The following FSHR variants were observed in gnomAD, a reference collection of about 807,000 sequenced individuals.
The protein encoded by FSHR is follicle stimulating hormone receptor.
In FSHR, 46 loss-of-function variants were observed where a neutral mutation model predicts 52.1. The ratio of observed to expected loss-of-function variants is 0.88; its 90% CI spans 0.70 to 1.13. The LOEUF is 1.13. FSHR is among the 50% of genes most tolerant of loss of function. The pLI, the probability that FSHR is intolerant of heterozygous loss-of-function variation, is 0.00. For missense variants in FSHR, 964 were observed against 834.6 expected (o/e 1.16, Z -1.91); for synonymous variants, 399 against 309.6 (o/e 1.29, Z -3.03).
intron 1 of FSHR, among the ~76,000 whole-genome samples, chr2:49,111,465 C>T (rs376611210): frequency 3.3e-5 from 5 of 152,102 alleles, no homozygotes; most frequent in African/African-American, 1.2e-4. Flanking sequence ...CTCCAGCGGG[C>T]CGAGGAAAGT....
intron 1 of FSHR, among the ~76,000 whole-genome samples, chr2:49,127,798 TC>T (rs1165033107): frequency 1.7e-5 from 1 of 57,704 alleles, no homozygotes; most frequent in African/African-American, 7.3e-5. Flanking sequence ...TTCTTCTTCT[TC>T]TTCTTCTTCT....
Position 48,963,540 on chromosome 2 carries a change from G to A in FSHR, c.1281C>T (p.Ser427=). 1.2e-6 allele frequency: 2 copies of A among 1,614,202 alleles called. No homozygotes were observed. The highest frequency in any genetic ancestry group is 1.7e-6 in the Non-Finnish European group (2 of 1,180,030). ...LIASVDIHTK[S]QYHNYAIDWQ... ...AGTCAATGGCATAGTTGTGATATTG[G>A]CTCTTGGTATGGATATCAACTGATG... The change falls in exon 10 of 10, where the codon AGC becomes AGT. Residue 427 remains serine, a synonymous_variant. Coordinates refer to ENST00000406846, the MANE Select transcript of FSHR (RefSeq NM_000145.4).
chr2:48,993,053 T>C (rs532400472), intron 4 of FSHR, among the ~76,000 whole-genome samples: 1 of 152,308 alleles, frequency 6.6e-6, no homozygotes, highest in South Asian at 2.1e-4. Context: ...TTCTGCTCCT[T>C]CTCCTGTTAC....
chr2:49,099,055 G>T (rs1270264135), intron 1 of FSHR, among the ~76,000 whole-genome samples: 1 of 151,762 alleles, frequency 6.6e-6, no homozygotes, highest in Admixed American at 6.6e-5. Context: ...AGTATCATAT[G>T]TAAGGTACCT....
intron 2 of FSHR, among the ~76,000 whole-genome samples, chr2:49,063,458 C>A (rs937535004): frequency 1.3e-5 from 2 of 151,884 alleles, no homozygotes; most frequent in African/African-American, 2.4e-5. Context: ...ATGTATGTGA[C>A]ACACACTCAC....
At chr2:48,985,141 A>C (rs1014594178) in intron 6 of FSHR, among the ~76,000 whole-genome samples, 6 of 152,052 alleles carry the variant, frequency 3.9e-5, no homozygotes, top group African/African-American at 9.7e-5. Flanking sequence ...CGATGACTAC[A>C]ACAACCTGGG....
chr2:49,120,570 C>G (rs945966390), intron 1 of FSHR, among the ~76,000 whole-genome samples: 4 of 152,160 alleles, frequency 2.6e-5, no homozygotes, highest in Non-Finnish European at 1.5e-5. Flanking sequence ...GTGTAAGTTG[C>G]ACTCCATAGC....
At chr2:48,997,914 G>A (rs1676093853) in intron 4 of FSHR, among the ~76,000 whole-genome samples, 1 of 152,024 alleles carries the variant, frequency 6.6e-6, no homozygotes, top group South Asian at 2.1e-4. Context: ...AGTCACAGTG[G>A]ACTTTCCCAG....
intron 2 of FSHR, among the ~76,000 whole-genome samples, chr2:49,062,866 AC>A (rs1301612521): frequency 1.3e-5 from 2 of 152,088 alleles, no homozygotes; most frequent in Non-Finnish European, 2.9e-5. Flanking sequence ...GTCTCATCTT[AC>A]CCCAGTGAAA....
intron 4 of FSHR, among the ~76,000 whole-genome samples, chr2:48,999,000 C>T (rs1057199798): frequency 1.8e-4 from 28 of 151,880 alleles, no homozygotes; most frequent in African/African-American, 5.8e-4. Flanking sequence ...TAAACTTATT[C>T]GGAAACATAT....
At chr2:49,042,242 C>A (rs1038144769) in intron 2 of FSHR, among the ~76,000 whole-genome samples, 1 of 152,110 alleles carries the variant, frequency 6.6e-6, no homozygotes. Flanking sequence ...CAATTTTTTT[C>A]CCCCGAGTGA....
intron 6 of FSHR, 96 bp from the exon 7 acceptor site, chr2:48,983,262 G>C: frequency 1.8e-6 from 2 of 1,126,264 alleles, no homozygotes; most frequent in Non-Finnish European, 2.7e-6. Context: ...AGACAGCACA[G>C]GTTAGTGGCA....
chr2:49,087,961 T>C (rs1298088089), intron 1 of FSHR, among the ~76,000 whole-genome samples: 1 of 152,244 alleles, frequency 6.6e-6, no homozygotes, highest in Non-Finnish European at 1.5e-5. Context: ...CATTTAGCAC[T>C]AGCTGTATCA....
At chr2:49,153,449 CAG>C (rs1673132736) in intron 1 of FSHR, among the ~76,000 whole-genome samples, 1 of 148,862 alleles carries the variant, frequency 6.7e-6, no homozygotes, top group African/African-American at 2.5e-5. Flanking sequence ...CAAAACAAAA[CAG>C]TAGACTGTGA....
At chr2:49,095,591 C>T (rs1408920045) in intron 1 of FSHR, among the ~76,000 whole-genome samples, 1 of 151,854 alleles carries the variant, frequency 6.6e-6, no homozygotes, top group Admixed American at 6.6e-5. Flanking sequence ...ATATGATGCC[C>T]AAAGCATAAA....
chr2:49,078,022 G>A (rs750031697), intron 1 of FSHR, among the ~76,000 whole-genome samples: 47 of 152,128 alleles, frequency 3.1e-4, no homozygotes, highest in Non-Finnish European at 1.0e-4. Context: ...CAGTTCCAAA[G>A]TCACTTCCAC....
rs80286994 is a variant in FSHR at position 49,043,980 on chromosome 2, G to T, written c.225-23820C>A. On this transcript the variant is annotated intron_variant, in intron 2 of 9. Coordinates refer to ENST00000406846, the MANE Select transcript of FSHR (RefSeq NM_000145.4). ...GATCTAACTCCCACGTCTTTCAACTGCTTTGGCACCAAAGATCTGGACAGC... is the reference window on the plus strand; with the variant it reads ...GATCTAACTCCCACGTCTTTCAACTTCTTTGGCACCAAAGATCTGGACAGC... Among the ~76,000 whole-genome samples the T allele has an allele frequency of 3.5e-3, 528 of 152,244 alleles. 13 individuals are homozygous for T. In the East Asian group the frequency reaches 0.058, roughly 17 times the overall value.
intron 1 of FSHR, among the ~76,000 whole-genome samples, chr2:49,096,396 C>T (rs1357382255): frequency 6.6e-6 from 1 of 152,174 alleles, no homozygotes; most frequent in Non-Finnish European, 1.5e-5. Context: ...ATGAAATGCC[C>T]AGAATGGGCA....
intron 1 of FSHR, among the ~76,000 whole-genome samples, chr2:49,118,772 G>A (rs1671694332): frequency 1.3e-5 from 2 of 152,096 alleles, no homozygotes; most frequent in Admixed American, 1.3e-4. Context: ...CCCATATTTG[G>A]TGTAAAAGTG....
Sources: allele counts gnomAD v4.1 joint callset (sites outside exome capture counted in the v4.1 genomes callset), GRCh38; gene constraint gnomAD v4.1.1; transcripts MANE v1.5; gene names NCBI Gene and HGNC (gene_info 2026-07-23, HGNC 2026-07-21).